Variants in ACOX3 observed in about 807,000 individuals in gnomAD.
ACOX3 encodes the protein acyl-CoA oxidase 3, pristanoyl.
In ACOX3, 73 loss-of-function variants were observed where a neutral mutation model predicts 81.5. The ratio of observed to expected loss-of-function variants is 0.90; its 90% CI spans 0.74 to 1.09. ACOX3 has a LOEUF of 1.09. ACOX3 is among the 50% of genes least tolerant of loss of function. The pLI is 0.00. For synonymous variants in ACOX3, 387 were observed against 375.1 expected (o/e 1.03, Z -0.37); for missense variants, 947 against 928.0 (o/e 1.02, Z -0.27).
At chr4:8,413,250 C>T (rs1298061211) in intron 5 of ACOX3, among the ~76,000 whole-genome samples, 1 of 136,470 alleles carries the variant, frequency 7.3e-6, no homozygotes, top group Non-Finnish European at 1.6e-5. Context: ...CATCTCCCTC[C>T]ACCCCGCACC....
chr4:8,374,864 C>G, intron 15 of ACOX3, 114 bp downstream of exon 15: 4 of 1,186,130 alleles, frequency 3.4e-6, no homozygotes, highest in Non-Finnish European at 4.6e-6. Flanking sequence ...CGCCATCCGC[C>G]GTGCTCAGTG....
Position 8,382,820 on chromosome 4 carries a change from G to A in ACOX3, c.1538-1213C>T, listed in dbSNP as rs1196660958. On this transcript the variant is annotated intron_variant, in intron 13 of 17. Coordinates refer to ENST00000356406, the MANE Select transcript of ACOX3 (RefSeq NM_003501.3). This position sits in a 1 kb window ranked among gnomAD's most constrained non-coding sequence, Gnocchi z 4.1. ...ATCCTGGCTAACACGGTGAAACCCC[G>A]TCTCTACTAAAAATACAAAAAATTA... is the stretch of plus-strand genomic sequence containing the variant. Among the ~76,000 whole-genome samples, 1 of 151,822 alleles carries A rather than the reference G, an allele frequency of 6.6e-6. No homozygotes were observed. The highest frequency in any genetic ancestry group is 1.5e-5 in the Non-Finnish European group (1 of 67,914).
At chr4:8,435,788 A>G (rs184562490) in intron 1 of ACOX3, among the ~76,000 whole-genome samples, 1 of 152,330 alleles carries the variant, frequency 6.6e-6, no homozygotes, top group Non-Finnish European at 1.5e-5. Context: ...AGAAAGAGCA[A>G]GAGAAGCCAG....
rs1269531411 is a variant in ACOX3, at chr4:8,418,597, G to A, written c.-14-2062C>T. ...AAAAAATACAGGAAAGGCCAGGCAC[G>A]CTCACACCTGTAATCCCTTTGGGAG... On this transcript the variant is annotated intron_variant, in intron 1 of 17. Coordinates refer to ENST00000356406, the MANE Select transcript of ACOX3 (RefSeq NM_003501.3). Among the ~76,000 whole-genome samples, 4 of 152,232 alleles carry A rather than the reference G, an allele frequency of 2.6e-5. No individual in the cohort carries two copies. In the Middle Eastern group the frequency reaches 0.01, roughly 388 times the overall value.
At position 8,384,305 on chromosome 4, in the gene ACOX3, G is replaced by A. The variant is rs1395603008; in HGVS notation, c.1538-2698C>T. On this transcript the variant is annotated intron_variant, in intron 13 of 17. Transcript: ENST00000356406. This position sits in a 1 kb window ranked among gnomAD's most constrained non-coding sequence, Gnocchi z 5.3. ...TCAGTCTGATGTGTTCATGTGCAGG[G>A]GAGAAGATCCCCAAAAAGCACATGA... is the stretch of plus-strand genomic sequence containing the variant. Among the ~76,000 whole-genome samples the A allele has an allele frequency of 2.0e-5, 3 of 152,180 alleles. No individual in the cohort carries two copies. Among genetic ancestry groups the A allele is most frequent in the Non-Finnish European group, 4.4e-5 (3 of 68,040 alleles).
At chr4:8,403,935 C>A (rs1025143602) in intron 7 of ACOX3, among the ~76,000 whole-genome samples, 4 of 152,180 alleles carry the variant, frequency 2.6e-5, no homozygotes, top group African/African-American at 9.7e-5. Flanking sequence ...AGATGCCTGT[C>A]GGGCCTTACG....
chr4:8,396,330 C>T (rs188147496), intron 9 of ACOX3, among the ~76,000 whole-genome samples: 29 of 152,308 alleles, frequency 1.9e-4, no homozygotes, highest in Admixed American at 1.9e-3. Context: ...CTGTGGCGGC[C>T]TCACCTGAAC....
chr4:8,377,976 T>G (rs1717182089), intron 14 of ACOX3, among the ~76,000 whole-genome samples: 1 of 152,112 alleles, frequency 6.6e-6, no homozygotes, highest in South Asian at 2.1e-4. Context: ...GGCTGGGCTC[T>G]GCTCTAGGGG....
At position 8,369,134 on chromosome 4, in the gene ACOX3, G is replaced by C. The variant is rs752313494; in HGVS notation, c.1983+1774C>G. Among the ~76,000 whole-genome samples the C allele has an allele frequency of 4.2e-4, 64 of 152,290 alleles. 2 individuals carry two copies. The Middle Eastern group carries it at 0.01, about 24-fold the overall frequency. On this transcript the variant is annotated intron_variant, in intron 17 of 17. Transcript: ENST00000356406. ...CCTCAGAGACGGGCCTGCCTCTGCA[G>C]AGCAAGGCACAGCAGGTAGACGCTC...
At chr4:8,363,300 T>C (rs1034373841), downstream of ACOX3, among the ~76,000 whole-genome samples, 1 of 152,244 alleles carries the variant, frequency 6.6e-6, no homozygotes, top group African/African-American at 2.4e-5. Context: ...ATATTGCTGT[T>C]GTACTCTTTG....
chr4:8,418,594 C>A (rs984520086), intron 1 of ACOX3, among the ~76,000 whole-genome samples: 8 of 152,110 alleles, frequency 5.3e-5, no homozygotes, highest in African/African-American at 1.9e-4. Flanking sequence ...AAAGGCCAGG[C>A]ACGCTCACAC....
chr4:8,429,233 G>A (rs1327957935), intron 1 of ACOX3, among the ~76,000 whole-genome samples: 1 of 152,204 alleles, frequency 6.6e-6, no homozygotes, highest in African/African-American at 2.4e-5. Context: ...CGAATTAAGA[G>A]TGCATTTATT....
intron 14 of ACOX3, among the ~76,000 whole-genome samples, chr4:8,379,385 C>T (rs1352261563): frequency 2.0e-5 from 3 of 152,194 alleles, no homozygotes; most frequent in Non-Finnish European, 2.9e-5. Flanking sequence ...GAACACGAAG[C>T]CCTGCCCTGG....
rs1358301830 is a variant in ACOX3 at position 8,394,404 on chromosome 4, G to C, written c.1179+216C>G. On this transcript the variant is annotated intron_variant, in intron 10 of 17. Transcript: ENST00000356406. The surrounding 1 kb of genome is among the most constrained non-coding windows in gnomAD (Gnocchi z 5.9). ...CTCACAGACTGGAACCGGGAGTCGT[G>C]TCAGCACATCCTTGAGAGGCAGGGG... 2.6e-5 allele frequency among the ~76,000 whole-genome samples: 4 copies of C among 152,254 alleles called. No homozygotes were observed. The highest frequency in any genetic ancestry group is 5.9e-5 in the Non-Finnish European group (4 of 68,050).
chr4:8,392,729 C>G (rs1206412443), intron 10 of ACOX3, among the ~76,000 whole-genome samples: 3 of 152,220 alleles, frequency 2.0e-5, no homozygotes, highest in African/African-American at 7.2e-5. Context: ...GTCCCAGAAG[C>G]AAACTGCAGA....
In ACOX3 at chr4:8,400,092, C is replaced by T. The variant is rs1720205164; in HGVS notation, c.777-440G>A. Reference sequence around the variant, plus strand: ...TGAAACCCCGTCTCTACTAAAAATACAAAAAAAAATTAGCCAGGAGTGGTG... The same window carrying T: ...TGAAACCCCGTCTCTACTAAAAATATAAAAAAAAATTAGCCAGGAGTGGTG... On this transcript the variant is annotated intron_variant, in intron 7 of 17. Coordinates refer to ENST00000356406, the MANE Select transcript of ACOX3 (RefSeq NM_003501.3). The surrounding 1 kb of genome is among the most constrained non-coding windows in gnomAD (Gnocchi z 4.4). 6.6e-6 allele frequency among the ~76,000 whole-genome samples: 1 copy of T among 150,676 alleles called. No homozygotes were observed. Among genetic ancestry groups the T allele is most frequent in the African/African-American group, 2.4e-5 (1 of 41,070 alleles).
In ACOX3 at chr4:8,381,501, GT is replaced by G; in HGVS notation, c.1643del (p.Asn548ThrfsTer53). 1 of 1,612,712 alleles carries G rather than the reference GT, an allele frequency of 6.2e-7. No homozygotes were observed. The highest frequency in any genetic ancestry group is 8.5e-7 in the Non-Finnish European group (1 of 1,179,036). ...RSGSSDFEAR[N>X]KCQVSHGRPL... ...GAAAACAAATACTTACCTGGCATTT[GT>G]TCCTTGCTTCAAAGTCACTGCTTCC... On this transcript the variant is annotated frameshift_variant, in exon 14 of 18. Coordinates refer to ENST00000356406, the MANE Select transcript of ACOX3 (RefSeq NM_003501.3). LOFTEE classifies it high-confidence loss of function. This position sits in a 1 kb window ranked among gnomAD's most constrained non-coding sequence, Gnocchi z 4.3.
At chr4:8,387,912 C>A (rs1718505640) in intron 13 of ACOX3, among the ~76,000 whole-genome samples, 1 of 152,198 alleles carries the variant, frequency 6.6e-6, no homozygotes. Flanking sequence ...CTCACCTGTC[C>A]CAGCCGCCTC....
At chr4:8,395,128 C>T (rs1228482902) in intron 9 of ACOX3, among the ~76,000 whole-genome samples, 8 of 152,086 alleles carry the variant, frequency 5.3e-5, no homozygotes, top group African/African-American at 1.4e-4. Context: ...AGGATGAGGC[C>T]GTCACCCTGG....
Sources: gnomAD v4.1 joint callset for allele counts (sites outside exome capture counted in the v4.1 genomes callset) on GRCh38, gnomAD v4.1.1 for gene constraint, Gnocchi (gnomAD v3.1) non-coding constraint, MANE v1.5 for transcripts, NCBI Gene and HGNC (gene_info 2026-07-23, HGNC 2026-07-21) for gene names.